The following FREM2 variants were observed in gnomAD, a reference collection of about 807,000 sequenced individuals.
FREM2 encodes FRAS1-related extracellular matrix protein 2.
A neutral mutation model predicts 219.9 loss-of-function variants in FREM2; 119 were observed. The observed-to-expected ratio is 0.54, with a 90% confidence interval of 0.47 to 0.63. FREM2 has a LOEUF of 0.63. FREM2 is among the 30% of genes least tolerant of loss of function. The pLI, the probability that FREM2 is intolerant of heterozygous loss-of-function variation, is 0.00. For missense variants in FREM2, 4,030 were observed against 3,993.6 expected (o/e 1.01, Z -0.25); for synonymous variants, 1,562 against 1,522.8 (o/e 1.03, Z -0.60).
intron 6 of FREM2, among the ~76,000 whole-genome samples, 162 bp downstream of exon 6, chr13:38,784,970 C>G (rs918193375): frequency 2.0e-5 from 3 of 152,148 alleles, no homozygotes; most frequent in South Asian, 2.1e-4. Flanking sequence ...CTGCATCTGT[C>G]GGTTTGTCTT....
intron 6 of FREM2, among the ~76,000 whole-genome samples, chr13:38,830,493 A>G (rs1161274385): frequency 6.6e-6 from 1 of 152,200 alleles, no homozygotes; most frequent in African/African-American, 2.4e-5. Flanking sequence ...GCTTCAGTCC[A>G]TCCACCATGC....
intron 2 of FREM2, among the ~76,000 whole-genome samples, chr13:38,731,656 T>C (rs917507478): frequency 2.0e-5 from 3 of 152,196 alleles, no homozygotes; most frequent in African/African-American, 4.8e-5. Context: ...CAGATCATTA[T>C]TAGTATTGCG....
At chr13:38,778,361 C>T (rs939146302) in intron 4 of FREM2, among the ~76,000 whole-genome samples, 1 of 152,156 alleles carries the variant, frequency 6.6e-6, no homozygotes, top group Non-Finnish European at 1.5e-5. Flanking sequence ...TGGCTACCTT[C>T]TCTCTGAGTC....
Position 38,876,326 on chromosome 13 carries a change from G to A in FREM2, c.8488G>A (p.Val2830Ile). 6.2e-7 allele frequency: 1 copy of A among 1,613,970 alleles called. No homozygotes were observed. The highest frequency in any genetic ancestry group is 8.5e-7 in the Non-Finnish European group (1 of 1,179,956). Residue 2830 changes from valine (V) to isoleucine (I), a missense_variant, in exon 20 of 24, where the codon GTC (valine) becomes ATC (isoleucine). This residue lies in a region of FREM2 where 928 missense variants were observed against 1,042.9 expected (regional missense o/e 0.89). Transcript: ENST00000280481. ...ATCACATCAGGAATACCGCCTGCCA[G>A]TCACCTGCAACCCCAGAGAACCTGT... is the stretch of plus-strand genomic sequence containing the variant. ...APSHQEYRLP[V>I]TCNPREPVTF...
intron 2 of FREM2, among the ~76,000 whole-genome samples, chr13:38,712,641 T>TTCTC (rs1415080103): frequency 3.6e-5 from 4 of 111,062 alleles, no homozygotes; most frequent in Admixed American, 2.1e-4. Context: ...TACTCTCTCT[T>TTCTC]TCTCTCTCTC....
At position 38,861,496 on chromosome 13, in the gene FREM2, A is replaced by G. The variant is rs1877760525; in HGVS notation, c.7585A>G (p.Thr2529Ala). 6.2e-7 allele frequency: 1 copy of G among 1,613,506 alleles called. No individual in the cohort carries two copies. Among genetic ancestry groups the G allele is most frequent in the African/African-American group, 1.3e-5 (1 of 74,714 alleles). ...GCCGTTCTCAGCTAAATTGCGCTAC[A>G]CAGGCCCTGAGGATGCAGACTACAC... ...AEPFSAKLRY[T>A]GPEDADYTNL... is the part of the protein sequence containing the mutation. The change falls in exon 15 of 24, where the codon ACA (threonine) becomes GCA (alanine). Residue 2529 changes from threonine (T) to alanine (A), a missense_variant. Physicochemically the swap from Thr to Ala is moderately conservative, Grantham distance 58. This residue lies in a region of FREM2 where 928 missense variants were observed against 1,042.9 expected (regional missense o/e 0.89). Transcript: ENST00000280481.
chr13:38,755,541 A>G (rs1197239938), intron 2 of FREM2, among the ~76,000 whole-genome samples: 2 of 152,168 alleles, frequency 1.3e-5, no homozygotes, highest in Non-Finnish European at 2.9e-5. Context: ...AGCCTGGGCA[A>G]GAATTAGAGA....
chr13:38,719,476 C>T (rs1370980839), intron 2 of FREM2, among the ~76,000 whole-genome samples: 1 of 152,152 alleles, frequency 6.6e-6, no homozygotes, highest in African/African-American at 2.4e-5. Context: ...CCACCTTGGC[C>T]TCCCAAAGTG....
chr13:38,691,205 T>G lies in FREM2; in HGVS notation c.3861T>G (p.Ser1287=). ...FVIKLTDGKH[S]VEKTVLIIVI... ...TTAAACTAACAGATGGGAAGCACTC[T>G]GTGGAAAAGACGGTCCTCATTATAG... The change falls in exon 1 of 24, where the codon TCT becomes TCG. Residue 1287 remains serine (S), a synonymous_variant. Transcript: ENST00000280481. 1 of 1,614,056 alleles carries G rather than the reference T, an allele frequency of 6.2e-7. No individual in the cohort carries two copies. The highest frequency in any genetic ancestry group is 8.5e-7 in the Non-Finnish European group (1 of 1,180,020).
At chr13:38,821,670 A>T (rs895005333) in intron 6 of FREM2, 4 of 152,110 alleles carry the variant, frequency 2.6e-5, no homozygotes, top group African/African-American at 4.8e-5. Flanking sequence ...ATGTTTCCAG[A>T]TGCTGTGCGA....
chr13:38,764,265 G>T (rs1873347266), intron 2 of FREM2, 39 bp from the exon 3 acceptor site: 2 of 1,482,458 alleles, frequency 1.3e-6, no homozygotes, highest in African/African-American at 1.4e-5. Flanking sequence ...ACTCATTCAA[G>T]AAAGCACTAA....
At chr13:38,790,719 A>T (rs1296579779) in intron 6 of FREM2, among the ~76,000 whole-genome samples, 1 of 152,218 alleles carries the variant, frequency 6.6e-6, no homozygotes, top group Non-Finnish European at 1.5e-5. Context: ...TAATGGCAAA[A>T]ATAGCAATTA....
chr13:38,737,692 C>T (rs1167544869), intron 2 of FREM2, among the ~76,000 whole-genome samples: 3 of 152,158 alleles, frequency 2.0e-5, no homozygotes, highest in Non-Finnish European at 4.4e-5. Context: ...GAGACTGCAT[C>T]ATGTATCTGG....
intron 14 of FREM2, among the ~76,000 whole-genome samples, chr13:38,861,093 A>G (rs1877743747): frequency 6.6e-6 from 1 of 152,228 alleles, no homozygotes; most frequent in South Asian, 2.1e-4. Context: ...AGTCATTTTT[A>G]CTGTATCTGT....
intron 2 of FREM2, among the ~76,000 whole-genome samples, chr13:38,701,446 C>T (rs1053451133): frequency 6.6e-6 from 1 of 152,146 alleles, no homozygotes; most frequent in African/African-American, 2.4e-5. Flanking sequence ...GGAAATACAT[C>T]TTCCTTTGTT....
intron 6 of FREM2, among the ~76,000 whole-genome samples, chr13:38,790,490 T>C (rs1350389247): frequency 6.6e-6 from 1 of 152,190 alleles, no homozygotes; most frequent in East Asian, 1.9e-4. Context: ...CTTCAAAATA[T>C]TGCTGTTATA....
In FREM2 at chr13:38,880,225, C is replaced by A. The variant is rs112882039; in HGVS notation, c.9007-59C>A. 527 of 1,514,370 alleles carry A rather than the reference C, an allele frequency of 3.5e-4. 1 individual carries two copies. In the African/African-American group the frequency reaches 5.4e-3, roughly 15 times the overall value. 93.8% of individuals were successfully genotyped at this position (1,514,370 alleles called of 1,614,324 possible). A position where few individuals can be genotyped will look rare whatever the true frequency, so the allele number is the denominator to read the frequency against. On this transcript the variant is annotated intron_variant, in intron 23 of 23. Coordinates refer to ENST00000280481, the MANE Select transcript of FREM2 (RefSeq NM_207361.6). ...GCCATTAATTTCTCTTGCAAAGAGT[C>A]GTGGATTAGATTGACATGGTATCTA...
At chr13:38,767,610 A>G (rs960056580) in intron 3 of FREM2, among the ~76,000 whole-genome samples, 3 of 152,226 alleles carry the variant, frequency 2.0e-5, no homozygotes, top group Admixed American at 6.5e-5. Context: ...CTGGGGATAG[A>G]TGGGTCAGTG....
At chr13:38,761,548 A>G (rs1873225139) in intron 2 of FREM2, among the ~76,000 whole-genome samples, 1 of 152,250 alleles carries the variant, frequency 6.6e-6, no homozygotes, top group Admixed American at 6.5e-5. Flanking sequence ...GAAAGAATGG[A>G]TACTGTCAAT....
Sources: allele counts gnomAD v4.1 joint callset (sites outside exome capture counted in the v4.1 genomes callset), GRCh38; gene constraint gnomAD v4.1.1; regional missense constraint gnomAD v4.1.1; transcripts MANE v1.5; gene names NCBI Gene and HGNC (gene_info 2026-07-23, HGNC 2026-07-21).